The following GRID2 variants were observed in gnomAD, a reference collection of about 807,000 sequenced individuals.
GRID2 encodes the protein glutamate receptor ionotropic, delta-2.
A neutral mutation model predicts 114.8 loss-of-function variants in GRID2; 33 were observed. The ratio of observed to expected loss-of-function variants is 0.29; its 90% CI spans 0.22 to 0.38. GRID2 has a LOEUF of 0.38. Among genes scored for constraint, GRID2 ranks in the 10% least tolerant of loss-of-function variants. The probability of loss-of-function intolerance (pLI) is 1.00; values close to 1 mark genes in which losing one functional copy is unlikely to be tolerated. For synonymous variants in GRID2, 505 were observed against 449.9 expected (o/e 1.12, Z -1.55); for missense variants, 1,184 against 1,257.7 (o/e 0.94, Z 0.89).
chr4:92,739,644 C>A (rs1263081218), intron 2 of GRID2, among the ~76,000 whole-genome samples: 7 of 152,094 alleles, frequency 4.6e-5, no homozygotes, highest in African/African-American at 1.7e-4. Flanking sequence ...TTCAGTTTAC[C>A]ATGATTTCCT....
At chr4:92,709,176 A>C (rs916474350) in intron 2 of GRID2, among the ~76,000 whole-genome samples, 1 of 152,078 alleles carries the variant, frequency 6.6e-6, no homozygotes, top group African/African-American at 2.4e-5. Flanking sequence ...TCTCTCACAT[A>C]CAGATTAAGC....
chr4:93,775,758 C>A (rs1183870002), downstream of GRID2, among the ~76,000 whole-genome samples: 1 of 152,186 alleles, frequency 6.6e-6, no homozygotes, highest in East Asian at 1.9e-4. Context: ...TATGCACAGG[C>A]TTTGGTTTAA....
rs192904534 is a variant in GRID2 at position 92,579,625 on chromosome 4, G to A, written c.89-10506G>A. Reference sequence around the variant, plus strand: ...CATGTATGTTTTAGCATGTGATTAAGTAATTCATCTAACTTTTCTGATTCT... The same window carrying A: ...CATGTATGTTTTAGCATGTGATTAAATAATTCATCTAACTTTTCTGATTCT... On this transcript the variant is annotated intron_variant, in intron 1 of 15. Transcript: ENST00000282020. Among the ~76,000 whole-genome samples the A allele has an allele frequency of 5.3e-5, 8 of 151,976 alleles. No individual in the cohort carries two copies. In the East Asian group the frequency reaches 1.4e-3, roughly 26 times the overall value.
rs1560565416 is a variant in GRID2, at chr4:92,740,697, TAGATA to T, written c.244+150412_244+150416del. Reference sequence around the variant, plus strand: ...CATAGATAGATAGATAGATGATAGATAGATAGATAGATAGATAGATAGATAGATAG... The same window carrying T: ...CATAGATAGATAGATAGATGATAGATGATAGATAGATAGATAGATAGATAG... On this transcript the variant is annotated intron_variant, in intron 2 of 15. Transcript: ENST00000282020. 9.3e-3 allele frequency among the ~76,000 whole-genome samples: 925 copies of T among 99,768 alleles called. 7 individuals carry two copies. Among genetic ancestry groups the T allele is most frequent in the Middle Eastern group, 0.025 (6 of 244 alleles). 65.5% of individuals were successfully genotyped at this position (99,768 alleles called of 152,430 possible). A position where few individuals can be genotyped will look rare whatever the true frequency, so the allele number is the denominator to read the frequency against.
Position 93,075,105 on chromosome 4 carries a change from C to A in GRID2, c.245-9890C>A, listed in dbSNP as rs558831541. Among the ~76,000 whole-genome samples the A allele has an allele frequency of 5.5e-4, 84 of 152,232 alleles. 2 individuals carry two copies. The South Asian group carries it at 0.016, about 29-fold the overall frequency. ...TCAAAATGTGTGACTATATTCTAAC[C>A]CATTTACTGAAGCCAGCATTATCCT... On this transcript the variant is annotated intron_variant, in intron 2 of 15. Transcript: ENST00000282020.
chr4:93,586,197 C>T (rs1037750285), intron 13 of GRID2, among the ~76,000 whole-genome samples: 1 of 152,088 alleles, frequency 6.6e-6, no homozygotes, highest in South Asian at 2.1e-4. Flanking sequence ...CCTGGCATTT[C>T]TGCAGATGTA....
intron 2 of GRID2, among the ~76,000 whole-genome samples, chr4:92,983,882 T>C (rs888732985): frequency 3.9e-5 from 6 of 152,140 alleles, no homozygotes; most frequent in African/African-American, 1.2e-4. Context: ...GGGGTTCTTT[T>C]AGGTCTAGTG....
At chr4:92,868,158 A>G (rs1415121888) in intron 2 of GRID2, among the ~76,000 whole-genome samples, 1 of 150,972 alleles carries the variant, frequency 6.6e-6, no homozygotes, top group Non-Finnish European at 1.5e-5. Flanking sequence ...AGTCTAATGT[A>G]TTGCTATTAC....
At chr4:93,419,586 G>T (rs1265603870) in intron 9 of GRID2, among the ~76,000 whole-genome samples, 1 of 151,986 alleles carries the variant, frequency 6.6e-6, no homozygotes, top group Non-Finnish European at 1.5e-5. Context: ...TCCAGATGAA[G>T]AATGATAGGA....
At chr4:93,068,952 T>C (rs1728560674) in intron 2 of GRID2, among the ~76,000 whole-genome samples, 1 of 151,944 alleles carries the variant, frequency 6.6e-6, no homozygotes, top group Admixed American at 6.6e-5. Flanking sequence ...AGGAAACTTA[T>C]AATCACTGTG....
At chr4:92,400,059 C>T (rs1263923823) in intron 1 of GRID2, among the ~76,000 whole-genome samples, 2 of 152,096 alleles carry the variant, frequency 1.3e-5, no homozygotes, top group African/African-American at 2.4e-5. Context: ...AGTATTGCAG[C>T]TATAACCTGT....
rs542229989 is a variant in GRID2, at chr4:93,483,553, C to T, written c.1859-7086C>T. Among the ~76,000 whole-genome samples, 5 of 152,030 alleles carry T rather than the reference C, an allele frequency of 3.3e-5. No homozygotes were observed. In the East Asian group the frequency reaches 7.8e-4, roughly 24 times the overall value. ...ATGGAAACACAAAGATGCATATATA[C>T]TCACACAGAATAAGACTTAGAATAA... On this transcript the variant is annotated intron_variant, in intron 11 of 15. Transcript: ENST00000282020.
intron 14 of GRID2, among the ~76,000 whole-genome samples, chr4:93,731,851 C>A (rs553673257): frequency 6.6e-6 from 1 of 152,300 alleles, no homozygotes; most frequent in African/African-American, 2.4e-5. Flanking sequence ...CCTTGACAGT[C>A]CTCATCCCTG....
intron 2 of GRID2, among the ~76,000 whole-genome samples, chr4:92,610,366 A>G (rs1461286067): frequency 6.6e-6 from 1 of 151,570 alleles, no homozygotes; most frequent in Non-Finnish European, 1.5e-5. Flanking sequence ...CTTATTTAAT[A>G]CCCACTTTAT....
intron 2 of GRID2, among the ~76,000 whole-genome samples, chr4:92,745,109 AAACAT>A (rs1273019449): frequency 4.6e-5 from 7 of 152,220 alleles, no homozygotes; most frequent in East Asian, 1.9e-4. Context: ...AATAAAACAG[AAACAT>A]AACATGAGTG....
chr4:93,222,866 G>T (rs140424616), intron 6 of GRID2, among the ~76,000 whole-genome samples: 244 of 152,086 alleles, frequency 1.6e-3, no homozygotes, highest in African/African-American at 5.2e-3. Flanking sequence ...ACATGCACAC[G>T]TATGTTTATT....
chr4:92,571,195 T>C (rs1727598647), intron 1 of GRID2, among the ~76,000 whole-genome samples: 1 of 152,168 alleles, frequency 6.6e-6, no homozygotes, highest in African/African-American at 2.4e-5. Context: ...TCTGAATCTA[T>C]TGAGATAATC....
intron 3 of GRID2, among the ~76,000 whole-genome samples, chr4:93,089,473 AT>A (rs1303350611): frequency 6.6e-6 from 1 of 152,026 alleles, no homozygotes; most frequent in African/African-American, 2.4e-5. Flanking sequence ...CAAATAAATC[AT>A]TTTTTTGTCG....
chr4:92,384,527 TA>T (rs1463966022), intron 1 of GRID2, among the ~76,000 whole-genome samples: 4 of 44,598 alleles, frequency 9.0e-5, no homozygotes, highest in African/African-American at 3.2e-4. Flanking sequence ...TTATATAATA[TA>T]ATATATAATA....
Sources: allele counts gnomAD v4.1 joint callset (sites outside exome capture counted in the v4.1 genomes callset), GRCh38; gene constraint gnomAD v4.1.1; transcripts MANE v1.5; gene names NCBI Gene and HGNC (gene_info 2026-07-23, HGNC 2026-07-21).